ZNF536: variants seen among roughly 807,000 people sequenced by gnomAD.
ZNF536 encodes the protein zinc finger protein 536.
In ZNF536, 13 loss-of-function variants were observed where a neutral mutation model predicts 84.5. The observed-to-expected ratio is 0.15, with a 90% CI of 0.10 to 0.24. ZNF536 has a LOEUF of 0.24. Ranked by LOEUF, ZNF536 falls within the 10% of genes least tolerant of loss-of-function variation. ZNF536 has a pLI of 1.00. For synonymous variants in ZNF536, 811 were observed against 742.5 expected (o/e 1.09, Z -1.50); for missense variants, 1,536 against 1,747.5 (o/e 0.88, Z 2.16).
intron 2 of ZNF536, among the ~76,000 whole-genome samples, chr19:30,343,315 C>A (rs1356303297): frequency 6.6e-6 from 1 of 152,186 alleles, no homozygotes; most frequent in South Asian, 2.1e-4. Context: ...TGTGTTTACG[C>A]CTCCAAAACA....
At chr19:30,415,859 C>T (rs1475364871) in intron 1 of ZNF536, among the ~76,000 whole-genome samples, 1 of 152,168 alleles carries the variant, frequency 6.6e-6, no homozygotes, top group Non-Finnish European at 1.5e-5. Flanking sequence ...ATCTGCCTAC[C>T]TTGGCCTCCC....
intron 2 of ZNF536, among the ~76,000 whole-genome samples, chr19:30,288,364 A>T (rs9630881): frequency 3.3e-5 from 5 of 152,140 alleles, no homozygotes; most frequent in African/African-American, 1.2e-4. Context: ...GCCACTGCTC[A>T]GTCCTATTAG....
At chr19:30,276,220 C>A (rs2026121913) in intron 1 of ZNF536, among the ~76,000 whole-genome samples, 1 of 151,988 alleles carries the variant, frequency 6.6e-6, no homozygotes, top group South Asian at 2.1e-4. Context: ...AAGCTAGATG[C>A]AAAACTTTGG....
At chr19:30,415,592 A>ATTG (rs1342651761) in intron 1 of ZNF536, among the ~76,000 whole-genome samples, 3 of 117,380 alleles carry the variant, frequency 2.6e-5, no homozygotes, top group Non-Finnish European at 3.6e-5. Flanking sequence ...CATCATCGTC[A>ATTG]TCGTCATCAT....
At chr19:30,657,661 G>C (rs2049965604) in intron 1 of ZNF536, among the ~76,000 whole-genome samples, 1 of 152,138 alleles carries the variant, frequency 6.6e-6, no homozygotes, top group Non-Finnish European at 1.5e-5. Flanking sequence ...GATTCAAACA[G>C]GCACTTGCAA....
chr19:30,277,380 G>A (rs1568297576), intron 1 of ZNF536, among the ~76,000 whole-genome samples: 2 of 152,096 alleles, frequency 1.3e-5, no homozygotes, highest in African/African-American at 4.8e-5. Context: ...TATCATCCCC[G>A]AGCCTGGTCC....
Position 30,228,760 on chromosome 19 carries a change from G to A in ZNF536, c.-190+87G>A, listed in dbSNP as rs1173743775. ...TGCCGCGAGCTGCGCGCCGCCCCGG[G>A]CCGGCCTCGCGTGTGGGCGGCTGGG... On this transcript the variant is annotated intron_variant, in intron 1 of 5. Coordinates refer to the ZNF536 transcript ENST00000585628. This position sits in a 1 kb window ranked among gnomAD's most constrained non-coding sequence, Gnocchi z 4.5. The A allele has an allele frequency of 1.3e-5, 2 of 150,956 alleles. No individual in the cohort carries two copies. The highest frequency in any genetic ancestry group is 1.3e-4 in the Admixed American group (2 of 15,154). 9.4% of individuals were successfully genotyped at this position (150,956 alleles called of 1,614,324 possible).
intron 2 of ZNF536, among the ~76,000 whole-genome samples, chr19:30,330,753 A>G (rs970151833): frequency 1.3e-5 from 2 of 152,162 alleles, no homozygotes; most frequent in Non-Finnish European, 2.9e-5. Flanking sequence ...TGGCCAGGGA[A>G]CTTCGAGGCA....
intron 1 of ZNF536, among the ~76,000 whole-genome samples, chr19:30,586,385 C>G (rs553520874): frequency 6.6e-6 from 1 of 152,214 alleles, no homozygotes; most frequent in Non-Finnish European, 1.5e-5. Context: ...ATGTTAGTCA[C>G]GTAAGTCCTA....
intron 1 of ZNF536, among the ~76,000 whole-genome samples, chr19:30,263,215 G>A (rs1335319841): frequency 6.6e-6 from 1 of 152,206 alleles, no homozygotes; most frequent in Non-Finnish European, 1.5e-5. Flanking sequence ...TTGTTAAACT[G>A]AACTGAATGG....
intron 2 of ZNF536, 50 bp from the exon 3 acceptor site, chr19:30,534,790 GCGAACAA>G: frequency 6.6e-7 from 1 of 1,516,378 alleles, no homozygotes; most frequent in Non-Finnish European, 8.9e-7. Context: ...CAGTTTTGGT[GCGAACAA>G]CTCCTGACAT....
intron 4 of ZNF536, chr19:30,555,910 A>C (rs2045949907): frequency 2.0e-5 from 3 of 152,362 alleles, no homozygotes; most frequent in Middle Eastern, 3.4e-3. Flanking sequence ...GTACCCAGCC[A>C]GCACAAGAAG....
intron 1 of ZNF536, among the ~76,000 whole-genome samples, chr19:30,434,380 G>C (rs751056795): frequency 6.6e-6 from 1 of 152,150 alleles, no homozygotes; most frequent in East Asian, 1.9e-4. Flanking sequence ...TGCGTCTTCT[G>C]TTCCTTGGCC....
intron 2 of ZNF536, among the ~76,000 whole-genome samples, chr19:30,502,183 A>G (rs1414574844): frequency 1.3e-5 from 2 of 152,316 alleles, no homozygotes; most frequent in East Asian, 1.9e-4. Flanking sequence ...TCCAGGGAGA[A>G]CAGAGCCTCT....
At chr19:30,237,857 G>A (rs2023655467) in intron 1 of ZNF536, among the ~76,000 whole-genome samples, 1 of 151,882 alleles carries the variant, frequency 6.6e-6, no homozygotes, top group African/African-American at 2.4e-5. Context: ...GAAACATCAA[G>A]TTTGTAAATG....
At chr19:30,238,964 C>T (rs1568516570) in intron 1 of ZNF536, among the ~76,000 whole-genome samples, 1 of 152,166 alleles carries the variant, frequency 6.6e-6, no homozygotes, top group Non-Finnish European at 1.5e-5. Context: ...TGAGTTGAAC[C>T]TGTGACCACT....
chr19:30,324,766 T>A (rs983982724), intron 2 of ZNF536, among the ~76,000 whole-genome samples: 1 of 152,146 alleles, frequency 6.6e-6, no homozygotes, highest in African/African-American at 2.4e-5. Flanking sequence ...TTTAATTTAC[T>A]TCACTATGCC....
chr19:30,646,839 G>A (rs1000503118), intron 1 of ZNF536, among the ~76,000 whole-genome samples: 1 of 152,138 alleles, frequency 6.6e-6, no homozygotes, highest in Non-Finnish European at 1.5e-5. Context: ...CATTTCCGAA[G>A]CAAGGCTATT....
chr19:30,431,760 C>T lies in ZNF536; in HGVS notation c.-2-11801C>T, dbSNP rs900642479. Among the ~76,000 whole-genome samples the T allele has an allele frequency of 5.3e-5, 8 of 152,246 alleles. No individual in the cohort carries two copies. The East Asian group carries it at 7.8e-4, about 15-fold the overall frequency. ...GCTGCTGCCCCAGGGAGGGGTCCTG[C>T]GGAGGCCAGGGCCTCTGGTTCCCAG... is the stretch of plus-strand genomic sequence containing the variant. On this transcript the variant is annotated intron_variant, in intron 1 of 4. Coordinates refer to ENST00000355537, the MANE Select transcript of ZNF536 (RefSeq NM_014717.3).
Sources: allele counts gnomAD v4.1 joint callset (sites outside exome capture counted in the v4.1 genomes callset), GRCh38; gene constraint gnomAD v4.1.1; non-coding constraint Gnocchi (gnomAD v3.1); transcripts MANE v1.5; gene names NCBI Gene and HGNC (gene_info 2026-07-23, HGNC 2026-07-21).